MYCBPAP: variants seen among roughly 807,000 people sequenced by gnomAD.
MYCBPAP encodes the protein MYCBP associated protein.
MYCBPAP carries 60 observed loss-of-function variants against 106.1 expected under a neutral mutation model. That is an observed-to-expected ratio of 0.57 (90% confidence interval 0.46 to 0.70). The LOEUF is 0.70. Ranked by LOEUF, MYCBPAP falls within the 30% of genes least tolerant of loss-of-function variation. The pLI, the probability that MYCBPAP is intolerant of heterozygous loss-of-function variation, is 0.00. For missense variants in MYCBPAP, 1,064 were observed against 1,169.3 expected, an observed-to-expected ratio of 0.91 and a Z score of 1.31; for synonymous variants, 407 against 440.6, an observed-to-expected ratio of 0.92 and a Z score of 0.95.
At chr17:50,518,858 G>C (rs1026060183) in intron 5 of MYCBPAP, 116 bp from the exon 6 acceptor site, 2 of 1,439,914 alleles carry the variant, frequency 1.4e-6, no homozygotes, top group African/African-American at 2.8e-5. Flanking sequence ...GTCTCACTCT[G>C]AAGCTTCAGT....
At chr17:50,516,470 T>C in intron 1 of MYCBPAP, 100 bp from the exon 2 acceptor site, 2 of 1,359,608 alleles carry the variant, frequency 1.5e-6, no homozygotes, top group Non-Finnish European at 2.0e-6. Flanking sequence ...CCCCCCACCA[T>C]GGAGTCTAGT....
chr17:50,508,143 C>T (rs1345654423), upstream of MYCBPAP, among the ~76,000 whole-genome samples: 1 of 35,934 alleles, frequency 2.8e-5, no homozygotes, highest in Admixed American at 2.8e-4. Flanking sequence ...AAGGCCCGAT[C>T]CCCCCCCAGA....
rs182031265 is a variant in MYCBPAP at position 50,513,074 on chromosome 17, C to A, written c.77-3496C>A. ...TCTACTAAAAATACAAAAAGTTAGC[C>A]AGGCATGTTGGTGCATGCCTGTAAT... is the stretch of plus-strand genomic sequence containing the variant. On this transcript the variant is annotated intron_variant, in intron 1 of 18. Coordinates refer to ENST00000323776, the MANE Select transcript of MYCBPAP (RefSeq NM_032133.6). Among the ~76,000 whole-genome samples the A allele has an allele frequency of 1.2e-4, 18 of 152,226 alleles. No individual in the cohort carries two copies. In the East Asian group the frequency reaches 3.3e-3, roughly 28 times the overall value.
chr17:50,516,528 A>G (rs2034057544), intron 1 of MYCBPAP, 42 bp from the exon 2 acceptor site: 2 of 1,604,182 alleles, frequency 1.2e-6, no homozygotes, highest in Non-Finnish European at 1.7e-6. Flanking sequence ...TATATACAGA[A>G]GGAGCTCTTT....
Position 50,528,699 on chromosome 17 carries a change from A to G in MYCBPAP, c.2412A>G (p.Gln804=). 1.2e-6 allele frequency: 2 copies of G among 1,613,786 alleles called. No individual in the cohort carries two copies. Among genetic ancestry groups the G allele is most frequent in the South Asian group, 1.1e-5 (1 of 90,964 alleles). ...IYLNVPEEQD[Q]KSPPIMEVKV... is the part of the protein sequence containing the mutation. ...TCTTCCACCCACCTCCCTTAGATCAAAAATCACCTCCTATCATGGAAGTGA... is the reference window on the plus strand; with the variant it reads ...TCTTCCACCCACCTCCCTTAGATCAGAAATCACCTCCTATCATGGAAGTGA... The change falls in exon 17 of 19, where the codon CAA becomes CAG. Residue 804 remains glutamine (Q), a synonymous_variant. Coordinates refer to ENST00000323776, the MANE Select transcript of MYCBPAP (RefSeq NM_032133.6).
rs11399946 is a variant in MYCBPAP at position 50,531,149 on chromosome 17, C to CAA, written c.2725-165_2725-164dup. ...CCTGGGTGACAGAGTGAGATCCTGT[C>CAA]AAAAAAAAAAAAAATCTGCAAAACC... On this transcript the variant is annotated intron_variant, in intron 18 of 18. Transcript: ENST00000323776. Among the ~76,000 whole-genome samples, 1,031 of 143,582 alleles carry CAA rather than the reference C, an allele frequency of 7.2e-3. 7 individuals carry two copies. Among genetic ancestry groups the CAA allele is most frequent in the African/African-American group, 0.015 (582 of 39,018 alleles). 94.2% of individuals were successfully genotyped at this position (143,582 alleles called of 152,430 possible).
chr17:50,522,709 A>AAAAAAAAAAAAAAATAT, intron 10 of MYCBPAP: 30 of 50,002 alleles, frequency 6.0e-4, no homozygotes, highest in East Asian at 1.5e-3. Flanking sequence ...AAAAAAAAAA[A>AAAAAAAAAAAAAAATAT]ATATATATAT....
upstream of MYCBPAP, among the ~76,000 whole-genome samples, chr17:50,507,919 C>G (rs537430563): frequency 6.6e-6 from 1 of 152,294 alleles, no homozygotes; most frequent in East Asian, 1.9e-4. Flanking sequence ...CGTTTATAAA[C>G]TTAAAATAAT....
At chr17:50,530,837 A>G (rs2034612033) in intron 18 of MYCBPAP, among the ~76,000 whole-genome samples, 2 of 151,922 alleles carry the variant, frequency 1.3e-5, no homozygotes, top group African/African-American at 2.4e-5. Context: ...CCCTTGAACA[A>G]CTTAGCTCTA....
At chr17:50,520,518 T>C (rs1449746754) in intron 7 of MYCBPAP, among the ~76,000 whole-genome samples, 1 of 145,352 alleles carries the variant, frequency 6.9e-6, no homozygotes, top group East Asian at 2.1e-4. Context: ...AATAAATAAA[T>C]AAATAAATAA....
intron 16 of MYCBPAP, 77 bp from the exon 17 acceptor site, chr17:50,528,618 C>T: frequency 1.3e-6 from 2 of 1,556,422 alleles, no homozygotes; most frequent in Admixed American, 1.9e-5. Flanking sequence ...CACCTCCCCT[C>T]AAGCCTCCTC....
chr17:50,521,303 C>T lies in MYCBPAP; in HGVS notation c.1033-13C>T, dbSNP rs1451824986. 2.5e-6 allele frequency: 4 copies of T among 1,595,770 alleles called. No homozygotes were observed. Among genetic ancestry groups the T allele is most frequent in the African/African-American group, 2.7e-5 (2 of 74,588 alleles). ...TTCAGTCAGCTCATCTTACCTTTCT[C>T]CATCTCTCGGAGGATATTGATGGCC... On this transcript the variant is annotated splice_polypyrimidine_tract_variant and intron_variant, in intron 8 of 18. Coordinates refer to ENST00000323776, the MANE Select transcript of MYCBPAP (RefSeq NM_032133.6).
At chr17:50,508,023 A>G (rs1408537985), upstream of MYCBPAP, among the ~76,000 whole-genome samples, 1 of 152,226 alleles carries the variant, frequency 6.6e-6, no homozygotes, top group Non-Finnish European at 1.5e-5. Context: ...AAGTGGCTGC[A>G]GCGAGCGTGG....
rs553948719 is a variant in MYCBPAP, at chr17:50,509,226, G to A, written c.76+476G>A. 4.1e-5 allele frequency: 28 copies of A among 690,338 alleles called. No homozygotes were observed. The African/African-American group carries it at 4.2e-4, about 10-fold the overall frequency. 42.8% of individuals were successfully genotyped at this position (690,338 alleles called of 1,614,324 possible). A position where few individuals can be genotyped will look rare whatever the true frequency, so the allele number is the denominator to read the frequency against. On this transcript the variant is annotated intron_variant, in intron 1 of 18. Coordinates refer to ENST00000323776, the MANE Select transcript of MYCBPAP (RefSeq NM_032133.6). ...CGGGGAGCGGGGCAGGCGTCACTTA[G>A]GATTCCTGCTGGAAAAACCCAGAAG...
In MYCBPAP at chr17:50,513,818, C is replaced by A. The variant is rs539703753; in HGVS notation, c.77-2752C>A. On this transcript the variant is annotated intron_variant, in intron 1 of 18. Coordinates refer to ENST00000323776, the MANE Select transcript of MYCBPAP (RefSeq NM_032133.6). ...GATCTCAGTTCTCATAGGCTGCCAC[C>A]CACTTTGGTGAGTTTGTGTAGAAGG... 3.9e-5 allele frequency among the ~76,000 whole-genome samples: 6 copies of A among 152,274 alleles called. No individual in the cohort carries two copies. The South Asian group carries it at 6.2e-4, about 16-fold the overall frequency.
In MYCBPAP at chr17:50,526,153, C is replaced by T. The variant is rs1048646611; in HGVS notation, c.2055C>T (p.Ile685=). 3 of 1,613,694 alleles carry T rather than the reference C, an allele frequency of 1.9e-6. No homozygotes were observed. The South Asian group carries it at 3.3e-5, about 18-fold the overall frequency. Residue 685 remains isoleucine, a synonymous_variant, in exon 14 of 19, where the codon ATC becomes ATT. Coordinates refer to ENST00000323776, the MANE Select transcript of MYCBPAP (RefSeq NM_032133.6). ...VGTKSPQRKS[I]MEEILVEESP... ...CCAAGAGTCCTCAGCGGAAGAGCAT[C>T]ATGGAGGAGATCCTGGTGGAGGAAA...
Position 50,529,200 on chromosome 17 carries a change from C to T in MYCBPAP, c.2724+12C>T, listed in dbSNP as rs774360468. On this transcript the variant is annotated intron_variant, in intron 18 of 18. Coordinates refer to ENST00000323776, the MANE Select transcript of MYCBPAP (RefSeq NM_032133.6). ...GCCTGCACAGTGAGGTGAAGGGAAG[C>T]GCCCAGCAGCCATTCCCCTGCCTCC... is the stretch of plus-strand genomic sequence containing the variant. The T allele has an allele frequency of 1.9e-5, 31 of 1,603,574 alleles. No individual in the cohort carries two copies. Among genetic ancestry groups the T allele is most frequent in the Admixed American group, 1.5e-4 (9 of 58,796 alleles).
chr17:50,517,163 A>G lies in MYCBPAP; in HGVS notation c.205-130A>G, dbSNP rs1329186079. ...CACAGGCATTTCCTTGACAGAACAT[A>G]TGGACAGAGCTGAAGAAACAGATCT... On this transcript the variant is annotated intron_variant, in intron 2 of 18. Transcript: ENST00000323776. The G allele has an allele frequency of 1.8e-5, 15 of 826,244 alleles. No homozygotes were observed. In the East Asian group the frequency reaches 3.5e-4, roughly 19 times the overall value. The allele number at this position is 826,244 out of a possible 1,614,324, so 51.2% of individuals were successfully genotyped here.
intron 12 of MYCBPAP, among the ~76,000 whole-genome samples, chr17:50,524,183 A>C (rs2034374899): frequency 6.6e-6 from 1 of 152,202 alleles, no homozygotes; most frequent in Admixed American, 6.5e-5. Context: ...TAATTAATAC[A>C]TAGCAGCATG....
Sources: gnomAD v4.1 joint callset for allele counts (sites outside exome capture counted in the v4.1 genomes callset) on GRCh38, gnomAD v4.1.1 for gene constraint, MANE v1.5 for transcripts, NCBI Gene and HGNC (gene_info 2026-07-23, HGNC 2026-07-21) for gene names.